Variants in ZNF385B observed in about 807,000 individuals in gnomAD.
The protein encoded by ZNF385B is zinc finger protein 385B.
Under a neutral mutation model 39.2 loss-of-function variants are expected in ZNF385B, and 23 were observed. The observed-to-expected ratio is 0.59, with a 90% CI of 0.42 to 0.83. ZNF385B has a LOEUF of 0.83. Ranked by LOEUF, ZNF385B falls within the 40% of genes least tolerant of loss-of-function variation. ZNF385B has a pLI of 0.00. For missense variants in ZNF385B, 552 were observed against 598.9 expected, an observed-to-expected ratio of 0.92 and a Z score of 0.82; for synonymous variants, 205 against 222.6, an observed-to-expected ratio of 0.92 and a Z score of 0.70.
chr2:179,838,555 C>A (rs891814272), intron 1 of ZNF385B, among the ~76,000 whole-genome samples: 1 of 152,178 alleles, frequency 6.6e-6, no homozygotes, highest in Non-Finnish European at 1.5e-5. Context: ...TCCTTCCCCT[C>A]TGCAACTCCA....
intron 3 of ZNF385B, among the ~76,000 whole-genome samples, chr2:179,752,549 C>T (rs1018537513): frequency 6.6e-6 from 1 of 152,212 alleles, no homozygotes; most frequent in African/African-American, 2.4e-5. Flanking sequence ...ACAGTCCCAC[C>T]AACAGTGTAA....
At chr2:179,563,851 A>G (rs1210347286) in intron 3 of ZNF385B, among the ~76,000 whole-genome samples, 5 of 152,136 alleles carry the variant, frequency 3.3e-5, no homozygotes, top group African/African-American at 1.2e-4. Context: ...TCTGCTCTGT[A>G]GAGATTATGT....
At chr2:179,581,145 G>A (rs1686465232) in intron 3 of ZNF385B, among the ~76,000 whole-genome samples, 1 of 152,134 alleles carries the variant, frequency 6.6e-6, no homozygotes, top group Non-Finnish European at 1.5e-5. Context: ...GCTTGAAACT[G>A]AATCCATGCA....
chr2:179,682,931 T>C (rs1325568061), intron 3 of ZNF385B, among the ~76,000 whole-genome samples: 1 of 152,178 alleles, frequency 6.6e-6, no homozygotes, highest in Non-Finnish European at 1.5e-5. Context: ...AGCCTGGCTA[T>C]GCAAATTCCC....
chr2:179,493,543 A>G (rs1038731814), intron 5 of ZNF385B, among the ~76,000 whole-genome samples: 3 of 150,944 alleles, frequency 2.0e-5, no homozygotes, highest in Admixed American at 1.3e-4. Context: ...ATGCGTATAC[A>G]TACGTGTACA....
intron 3 of ZNF385B, among the ~76,000 whole-genome samples, chr2:179,720,539 G>A (rs1483374698): frequency 2.9e-5 from 4 of 138,044 alleles, no homozygotes; most frequent in African/African-American, 1.1e-4. Context: ...GAATGGGAGG[G>A]GAGGCAAGGG....
intron 3 of ZNF385B, among the ~76,000 whole-genome samples, chr2:179,625,326 A>G (rs1690562766): frequency 1.3e-5 from 2 of 152,126 alleles, no homozygotes; most frequent in Non-Finnish European, 2.9e-5. Context: ...AGAGAGAACT[A>G]TGAAATAACT....
intron 1 of ZNF385B, among the ~76,000 whole-genome samples, chr2:179,818,176 T>A (rs1707187898): frequency 6.6e-6 from 1 of 152,168 alleles, no homozygotes; most frequent in South Asian, 2.1e-4. Flanking sequence ...GACTTTTTAT[T>A]TCCCTGGATC....
chr2:179,778,015 C>T (rs553467486), intron 1 of ZNF385B, among the ~76,000 whole-genome samples: 42 of 152,060 alleles, frequency 2.8e-4, no homozygotes, highest in Non-Finnish European at 5.1e-4. Flanking sequence ...AAGTGATCTG[C>T]CCACCTCAGC....
At chr2:179,703,109 C>A (rs1313616153) in intron 3 of ZNF385B, among the ~76,000 whole-genome samples, 1 of 152,222 alleles carries the variant, frequency 6.6e-6, no homozygotes, top group African/African-American at 2.4e-5. Flanking sequence ...TTAGCCAGGG[C>A]AAAGGCCAAA....
intron 3 of ZNF385B, among the ~76,000 whole-genome samples, chr2:179,581,510 G>A (rs1485876000): frequency 6.6e-6 from 1 of 152,148 alleles, no homozygotes; most frequent in Non-Finnish European, 1.5e-5. Context: ...GTCATAGCTG[G>A]TAAAACGTTT....
intron 7 of ZNF385B, among the ~76,000 whole-genome samples, chr2:179,446,294 T>C (rs1299773789): frequency 6.6e-6 from 1 of 152,184 alleles, no homozygotes; most frequent in African/African-American, 2.4e-5. Context: ...TGGACAGTAT[T>C]AGATGTTTTT....
At chr2:179,593,467 A>G (rs981253985) in intron 3 of ZNF385B, among the ~76,000 whole-genome samples, 1 of 152,154 alleles carries the variant, frequency 6.6e-6, no homozygotes. Flanking sequence ...ATTTTTCTTA[A>G]ATTACTAAAT....
At chr2:179,832,905 C>T (rs953191696) in intron 1 of ZNF385B, among the ~76,000 whole-genome samples, 11 of 152,040 alleles carry the variant, frequency 7.2e-5, no homozygotes, top group African/African-American at 1.2e-4. Flanking sequence ...TTTATTCATT[C>T]GAAATTCCTC....
At chr2:179,710,068 G>A (rs1313598338) in intron 3 of ZNF385B, among the ~76,000 whole-genome samples, 1 of 152,160 alleles carries the variant, frequency 6.6e-6, no homozygotes, top group Non-Finnish European at 1.5e-5. Flanking sequence ...CAGCAGTGGG[G>A]CTGATTGAAT....
intron 1 of ZNF385B, among the ~76,000 whole-genome samples, chr2:179,780,035 C>T (rs1396721761): frequency 6.6e-6 from 1 of 151,896 alleles, no homozygotes; most frequent in Non-Finnish European, 1.5e-5. Context: ...GTGGTTGCGG[C>T]AGCTGGGCCT....
intron 5 of ZNF385B, among the ~76,000 whole-genome samples, chr2:179,503,681 A>C (rs576688158): frequency 6.7e-6 from 1 of 148,718 alleles, no homozygotes; most frequent in Non-Finnish European, 1.5e-5. Flanking sequence ...CCTGTGTCCA[A>C]GTGTTCTCAT....
At chr2:179,754,104 C>G (rs1167699303) in intron 3 of ZNF385B, among the ~76,000 whole-genome samples, 1 of 152,132 alleles carries the variant, frequency 6.6e-6, no homozygotes, top group Non-Finnish European at 1.5e-5. Flanking sequence ...TCAGATACGT[C>G]CCATCAATAC....
intron 3 of ZNF385B, among the ~76,000 whole-genome samples, chr2:179,602,598 T>G (rs2106107780): frequency 6.6e-6 from 1 of 152,302 alleles, no homozygotes; most frequent in African/African-American, 2.4e-5. Context: ...CGCAAGGGTT[T>G]GTTTTTCTAT....
Sources: allele counts gnomAD v4.1 joint callset (sites outside exome capture counted in the v4.1 genomes callset), GRCh38; gene constraint gnomAD v4.1.1; transcripts MANE v1.5; gene names NCBI Gene and HGNC (gene_info 2026-07-23, HGNC 2026-07-21).